The following KLHL25 variants were observed in gnomAD, a reference collection of about 807,000 sequenced individuals.
KLHL25 encodes the protein kelch like family member 25.
Under a neutral mutation model 30.0 loss-of-function variants are expected in KLHL25, and 41 were observed. The ratio of observed to expected loss-of-function variants is 1.37; its 90% CI spans 1.07 to 1.78. The LOEUF (loss-of-function observed/expected upper bound fraction) is 1.78, where lower values mean the gene tolerates loss of function less well. Ranked by LOEUF, KLHL25 falls within the 40% of genes most tolerant of loss-of-function variation. The pLI, the probability that KLHL25 is intolerant of heterozygous loss-of-function variation, is 0.00. For missense variants in KLHL25, 971 were observed against 824.5 expected, an observed-to-expected ratio of 1.18 and a Z score of -2.18; for synonymous variants, 399 against 355.3, an observed-to-expected ratio of 1.12 and a Z score of -1.38.
intron 1 of KLHL25, among the ~76,000 whole-genome samples, chr15:85,773,578 G>A (rs1275020772): frequency 1.3e-5 from 2 of 152,208 alleles, no homozygotes; most frequent in Non-Finnish European, 2.9e-5. Context: ...TGGGGATCAG[G>A]TGGGGAGTGG....
chr15:85,768,523 A>C lies in KLHL25; in HGVS notation c.1288T>G (p.Leu430Val). 6.2e-7 allele frequency: 1 copy of C among 1,613,734 alleles called. No homozygotes were observed. Among genetic ancestry groups the C allele is most frequent in the Non-Finnish European group, 8.5e-7 (1 of 1,179,928 alleles). The stretch of plus-strand genomic sequence containing the variant: ...GCGGCATTGCTGACGCCATCCCGCA[A>C]GGGGGCCACCATCATCCACTTGTTG... ...GANKWMMVAP[L>V]RDGVSNAAVV... The change falls in exon 2 of 3, where the codon TTG (leucine) becomes GTG (valine). Residue 430 changes from leucine to valine, a missense_variant. Coordinates refer to ENST00000337975, the MANE Select transcript of KLHL25 (RefSeq NM_022480.4).
intron 1 of KLHL25, among the ~76,000 whole-genome samples, chr15:85,785,259 A>C (rs1470153568): frequency 2.0e-5 from 3 of 151,724 alleles, no homozygotes; most frequent in Non-Finnish European, 4.4e-5. Context: ...ACGTCCGGCT[A>C]ATGTTTTGTA....
In KLHL25 at chr15:85,768,925, T is replaced by C; in HGVS notation, c.886A>G (p.Thr296Ala). 6.2e-7 allele frequency: 1 copy of C among 1,613,322 alleles called. No homozygotes were observed. The highest frequency in any genetic ancestry group is 8.5e-7 in the Non-Finnish European group (1 of 1,180,042). Residue 296 changes from threonine (T) to alanine (A), a missense_variant, in exon 2 of 3, where the codon ACG (threonine) becomes GCG (alanine). Physicochemically the swap from Thr to Ala is moderately conservative, Grantham distance 58. Transcript: ENST00000337975. ...GTCTGGCCCCCCAGGATGAGTAGCG[T>C]GTGGCCCGCCTTGCGTGGCCGGGCA... The part of the protein sequence containing the change: ...PCARPRKAGH[T>A]LLILGGQTFM...
chr15:85,788,056 CAAAAAAA>C (rs60547525), intron 1 of KLHL25, among the ~76,000 whole-genome samples: 6 of 58,306 alleles, frequency 1.0e-4, no homozygotes, highest in South Asian at 8.7e-4. Flanking sequence ...AACTAGATCT[CAAAAAAA>C]AAAAAAAAAA....
chr15:85,783,956 G>A (rs1359569039), intron 1 of KLHL25, among the ~76,000 whole-genome samples: 1 of 152,172 alleles, frequency 6.6e-6, no homozygotes, highest in East Asian at 1.9e-4. Flanking sequence ...TAACTGTCCT[G>A]ACCTCGAGGT....
chr15:85,792,687 T>G (rs1198941779), intron 1 of KLHL25, among the ~76,000 whole-genome samples: 2 of 152,340 alleles, frequency 1.3e-5, no homozygotes, highest in South Asian at 4.1e-4. Context: ...TGTGCCTATC[T>G]TGAGGCTGGC....
intron 2 of KLHL25, among the ~76,000 whole-genome samples, chr15:85,767,631 G>A (rs1445291736): frequency 6.6e-6 from 1 of 152,210 alleles, no homozygotes; most frequent in Non-Finnish European, 1.5e-5. Context: ...TGGTTTGGGA[G>A]GCCCCCTTTG....
intron 1 of KLHL25, among the ~76,000 whole-genome samples, chr15:85,787,833 T>C (rs1357719923): frequency 3.9e-5 from 6 of 152,172 alleles, no homozygotes; most frequent in African/African-American, 4.8e-5. Flanking sequence ...TGCACCCATC[T>C]GTGGACAGAT....
chr15:85,781,435 C>A (rs72751896), intron 1 of KLHL25, among the ~76,000 whole-genome samples: 7,631 of 152,280 alleles, frequency 0.05, 277 homozygotes, highest in Middle Eastern at 0.13. Flanking sequence ...AAGAGAATCT[C>A]AGGGACACCC....
chr15:85,773,791 C>T (rs1430853429), intron 1 of KLHL25, among the ~76,000 whole-genome samples: 1 of 152,158 alleles, frequency 6.6e-6, no homozygotes, highest in Non-Finnish European at 1.5e-5. Context: ...TTGCCACCTA[C>T]CCAAGATGGA....
intron 1 of KLHL25, among the ~76,000 whole-genome samples, chr15:85,771,885 G>C (rs368868014): frequency 1.3e-5 from 2 of 152,160 alleles, no homozygotes; most frequent in South Asian, 4.1e-4. Context: ...GCACATCCTC[G>C]AAGCTGGGCC....
chr15:85,781,851 T>C (rs1242482709), intron 1 of KLHL25, among the ~76,000 whole-genome samples: 2 of 152,132 alleles, frequency 1.3e-5, no homozygotes, highest in Admixed American at 6.5e-5. Flanking sequence ...GAAAATTCTG[T>C]AGGAAGCATG....
intron 2 of KLHL25, among the ~76,000 whole-genome samples, chr15:85,764,874 C>A (rs2089608946): frequency 6.6e-6 from 1 of 152,250 alleles, no homozygotes; most frequent in Non-Finnish European, 1.5e-5. Context: ...GATGGGGAAG[C>A]TGAGCCTCAG....
At chr15:85,770,525 G>A in intron 1 of KLHL25, 1 of 534,432 alleles carries the variant, frequency 1.9e-6, no homozygotes, top group South Asian at 1.4e-5. Context: ...GTGCTCAGTG[G>A]AGACATGTTC....
chr15:85,764,791 G>A (rs1055087828), intron 2 of KLHL25, among the ~76,000 whole-genome samples: 4 of 152,242 alleles, frequency 2.6e-5, no homozygotes, highest in Non-Finnish European at 5.9e-5. Flanking sequence ...CTTTTAAGCT[G>A]CTTCTGAAAC....
chr15:85,775,769 C>T lies in KLHL25; in HGVS notation c.-10-5949G>A, dbSNP rs190180586. On this transcript the variant is annotated intron_variant, in intron 1 of 2. Transcript: ENST00000337975. ...AGCCAGGTAGGATGCACCAGCCACC[C>T]GGCCTGAGGTCCCCTGCCTGGGTTG... 1.3e-3 allele frequency among the ~76,000 whole-genome samples: 204 copies of T among 151,830 alleles called. 2 individuals carry two copies. The highest frequency in any genetic ancestry group is 0.01 in the Middle Eastern group (3 of 294).
Position 85,792,626 on chromosome 15 carries a change from C to A in KLHL25, c.-11+2140G>T, listed in dbSNP as rs77810891. Among the ~76,000 whole-genome samples, 18 of 152,306 alleles carry A rather than the reference C, an allele frequency of 1.2e-4. No individual in the cohort carries two copies. In the East Asian group the frequency reaches 3.1e-3, roughly 26 times the overall value. ...TGACTGTGCGGCCAGACACTACGGA[C>A]GAGAGCAAACCTTCTACCACCTCCC... is the stretch of plus-strand genomic sequence containing the variant. On this transcript the variant is annotated intron_variant, in intron 1 of 2. Coordinates refer to ENST00000337975, the MANE Select transcript of KLHL25 (RefSeq NM_022480.4).
intron 1 of KLHL25, among the ~76,000 whole-genome samples, chr15:85,775,731 G>A (rs1441501200): frequency 1.3e-5 from 2 of 152,018 alleles, no homozygotes; most frequent in Non-Finnish European, 2.9e-5. Flanking sequence ...CCCTCCTGAG[G>A]GCTGGCAGCA....
At chr15:85,766,579 G>A (rs1000280066) in intron 2 of KLHL25, among the ~76,000 whole-genome samples, 1 of 152,234 alleles carries the variant, frequency 6.6e-6, no homozygotes, top group African/African-American at 2.4e-5. Flanking sequence ...AGCACCAGAT[G>A]AGACACTCCT....
Sources: allele counts gnomAD v4.1 joint callset (sites outside exome capture counted in the v4.1 genomes callset), GRCh38; gene constraint gnomAD v4.1.1; transcripts MANE v1.5; gene names NCBI Gene and HGNC (gene_info 2026-07-23, HGNC 2026-07-21).